Variants in ADGRL3 observed in about 807,000 individuals in gnomAD.
The protein encoded by ADGRL3 is adhesion G protein-coupled receptor L3, also known as calcium-independent alpha-latrotoxin receptor 3.
Under a neutral mutation model 153.5 loss-of-function variants are expected in ADGRL3, and 62 were observed. That is an observed-to-expected ratio of 0.40 (90% CI 0.33 to 0.50). The LOEUF (loss-of-function observed/expected upper bound fraction) is 0.50, where lower values mean the gene tolerates loss of function less well. Ranked by LOEUF, ADGRL3 falls within the 20% of genes least tolerant of loss-of-function variation. The probability of loss-of-function intolerance (pLI) is 0.47; values close to 1 mark genes in which losing one functional copy is unlikely to be tolerated. For synonymous variants in ADGRL3, 710 were observed against 672.5 expected (o/e 1.06, Z -0.86); for missense variants, 1,641 against 1,859.4 (o/e 0.88, Z 2.16).
At chr4:61,760,829 G>A (rs2096903851) in intron 8 of ADGRL3, among the ~76,000 whole-genome samples, 1 of 152,092 alleles carries the variant, frequency 6.6e-6, no homozygotes, top group African/African-American at 2.4e-5. Flanking sequence ...TTGAGACAGG[G>A]AAATTGCAAC....
At chr4:61,462,937 C>T (rs979807449) in intron 2 of ADGRL3, among the ~76,000 whole-genome samples, 2 of 152,126 alleles carry the variant, frequency 1.3e-5, no homozygotes, top group Non-Finnish European at 2.9e-5. Flanking sequence ...CAGCCCAGTG[C>T]TCAGATGTTT....
chr4:61,399,139 C>G lies in ADGRL3; in HGVS notation c.-174+15950C>G, dbSNP rs564090822. Among the ~76,000 whole-genome samples the G allele has an allele frequency of 5.3e-4, 80 of 151,696 alleles. 1 individual carries two copies. In the South Asian group the frequency reaches 0.016, roughly 30 times the overall value. ...AAATTGTTGATGGAATCAGACGTTA[C>G]TAAAATTATTATTTATTCTGCTGTC... On this transcript the variant is annotated intron_variant, in intron 2 of 26. Coordinates refer to ENST00000683033, the MANE Select transcript of ADGRL3 (RefSeq NM_001387552.1).
chr4:61,273,895 A>C (rs959471540), intron 1 of ADGRL3, among the ~76,000 whole-genome samples: 1 of 152,186 alleles, frequency 6.6e-6, no homozygotes, highest in Non-Finnish European at 1.5e-5. Flanking sequence ...GGCATAGAAG[A>C]ATGGCATTTT....
chr4:61,610,835 G>T (rs555795791), intron 5 of ADGRL3, among the ~76,000 whole-genome samples: 1 of 151,624 alleles, frequency 6.6e-6, no homozygotes. Flanking sequence ...TTTTATAGAG[G>T]TCAAAAAATA....
At position 61,551,100 on chromosome 4, in the gene ADGRL3, T is replaced by C. The variant is rs771969945; in HGVS notation, c.259+33582T>C. On this transcript the variant is annotated intron_variant, in intron 4 of 26. Coordinates refer to ENST00000683033, the MANE Select transcript of ADGRL3 (RefSeq NM_001387552.1). ...TATCAGCTTACATGTTAGTAGGCTGTAAGTAAACACCTGATCCAAGGGTGA... is the reference window on the plus strand; with the variant it reads ...TATCAGCTTACATGTTAGTAGGCTGCAAGTAAACACCTGATCCAAGGGTGA... Among the ~76,000 whole-genome samples, 108 of 152,124 alleles carry C rather than the reference T, an allele frequency of 7.1e-4. 1 individual carries two copies. The highest frequency in any genetic ancestry group is 6.9e-4 in the Non-Finnish European group (47 of 67,976).
chr4:61,981,994 C>G (rs1465314320), intron 18 of ADGRL3, among the ~76,000 whole-genome samples: 3 of 151,952 alleles, frequency 2.0e-5, no homozygotes, highest in Non-Finnish European at 4.4e-5. Flanking sequence ...CATTTCTTTC[C>G]CCAAAAAAGT....
At chr4:61,635,356 A>G (rs1028870433) in intron 5 of ADGRL3, among the ~76,000 whole-genome samples, 1 of 152,150 alleles carries the variant, frequency 6.6e-6, no homozygotes, top group African/African-American at 2.4e-5. Context: ...GAGAAGAGTT[A>G]AGAGAGAAGT....
intron 8 of ADGRL3, among the ~76,000 whole-genome samples, chr4:61,771,536 C>T (rs2097086408): frequency 6.6e-6 from 1 of 152,156 alleles, no homozygotes; most frequent in Non-Finnish European, 1.5e-5. Context: ...ATTGAATCCC[C>T]TTTTGTCCCC....
intron 12 of ADGRL3, 52 bp downstream of exon 12, chr4:61,909,797 G>GTA (rs2098713935): frequency 2.1e-5 from 28 of 1,332,892 alleles, no homozygotes. Flanking sequence ...GTGTGTGTGT[G>GTA]TGTGTCTTTA....
At chr4:61,495,278 T>A (rs2098300795) in intron 2 of ADGRL3, among the ~76,000 whole-genome samples, 1 of 152,168 alleles carries the variant, frequency 6.6e-6, no homozygotes, top group Non-Finnish European at 1.5e-5. Flanking sequence ...AGTAAAGACT[T>A]TGGTTTTTAT....
chr4:61,713,528 G>C (rs2096045107), intron 6 of ADGRL3, among the ~76,000 whole-genome samples: 1 of 151,254 alleles, frequency 6.6e-6, no homozygotes, highest in Non-Finnish European at 1.5e-5. Context: ...AAGTTGTGAG[G>C]GCTCACTTTT....
chr4:61,877,878 C>T (rs904033945), intron 9 of ADGRL3, among the ~76,000 whole-genome samples: 2 of 152,102 alleles, frequency 1.3e-5, no homozygotes, highest in Admixed American at 1.3e-4. Context: ...ACAGTTCCCC[C>T]ATACTGTTCT....
At chr4:61,818,842 A>G (rs1038922402) in intron 9 of ADGRL3, among the ~76,000 whole-genome samples, 5 of 152,170 alleles carry the variant, frequency 3.3e-5, no homozygotes, top group Admixed American at 6.5e-5. Context: ...TGCAGTTATA[A>G]TCACTAGCTC....
intron 11 of ADGRL3, among the ~76,000 whole-genome samples, chr4:61,906,821 A>G (rs537459313): frequency 1.3e-5 from 2 of 152,094 alleles, no homozygotes; most frequent in South Asian, 4.2e-4. Context: ...TTGTTTCTTT[A>G]ACATTCAATC....
intron 1 of ADGRL3, among the ~76,000 whole-genome samples, chr4:61,319,776 G>A (rs999874042): frequency 4.6e-5 from 7 of 152,246 alleles, no homozygotes; most frequent in Admixed American, 3.9e-4. Context: ...GTAAACTAGA[G>A]ATCTCTGGCA....
At chr4:61,494,581 T>C (rs2098293450) in intron 2 of ADGRL3, among the ~76,000 whole-genome samples, 1 of 152,206 alleles carries the variant, frequency 6.6e-6, no homozygotes, top group Non-Finnish European at 1.5e-5. Context: ...GAGAATAGAT[T>C]TTCAGGTTTT....
chr4:61,836,103 G>A lies in ADGRL3; in HGVS notation c.1480+22214G>A, dbSNP rs180834843. Among the ~76,000 whole-genome samples, 46 of 152,226 alleles carry A rather than the reference G, an allele frequency of 3.0e-4. 1 individual carries two copies. The highest frequency in any genetic ancestry group is 1.1e-3 in the African/African-American group (45 of 41,568). On this transcript the variant is annotated intron_variant, in intron 9 of 26. Coordinates refer to ENST00000683033, the MANE Select transcript of ADGRL3 (RefSeq NM_001387552.1). ...TGCTTTGTGTCCTTAAAAGCTTAAC[G>A]TTGTTACCATTGAAGAATATCTCAT... is the stretch of plus-strand genomic sequence containing the variant.
At chr4:61,924,925 T>G (rs1175191366) in intron 13 of ADGRL3, among the ~76,000 whole-genome samples, 1 of 152,218 alleles carries the variant, frequency 6.6e-6, no homozygotes, top group Non-Finnish European at 1.5e-5. Context: ...TTTGCTTCCC[T>G]TGCCAGAATG....
chr4:61,432,335 C>T (rs2152418031), intron 2 of ADGRL3, among the ~76,000 whole-genome samples: 1 of 152,124 alleles, frequency 6.6e-6, no homozygotes, highest in East Asian at 1.9e-4. Flanking sequence ...ATACTTCTGC[C>T]ATGCAGTTAG....
Sources: gnomAD v4.1 joint callset for allele counts (sites outside exome capture counted in the v4.1 genomes callset) on GRCh38, gnomAD v4.1.1 for gene constraint, MANE v1.5 for transcripts, NCBI Gene and HGNC (gene_info 2026-07-23, HGNC 2026-07-21) for gene names.